SSBP2: variants seen among roughly 807,000 people sequenced by gnomAD.
The protein encoded by SSBP2 is single-stranded DNA-binding protein 2.
In SSBP2, 17 loss-of-function variants were observed where a neutral mutation model predicts 61.8. The observed-to-expected ratio is 0.28, with a 90% confidence interval of 0.19 to 0.41. The LOEUF (loss-of-function observed/expected upper bound fraction) is 0.41, where lower values mean the gene tolerates loss of function less well. Ranked by LOEUF, SSBP2 falls within the 10% of genes least tolerant of loss-of-function variation. SSBP2 has a pLI of 1.00. For missense variants in SSBP2, 310 were observed against 458.7 expected (o/e 0.68, Z 2.96); for synonymous variants, 139 against 141.3 (o/e 0.98, Z 0.12).
intron 4 of SSBP2, among the ~76,000 whole-genome samples, chr5:81,541,765 A>G (rs559189533): frequency 2.6e-5 from 4 of 152,336 alleles, no homozygotes; most frequent in Admixed American, 1.3e-4. Context: ...TATACAAAAA[A>G]TAACTCAAAA....
chr5:81,660,938 A>G (rs1035737538), intron 1 of SSBP2, among the ~76,000 whole-genome samples: 1 of 151,936 alleles, frequency 6.6e-6, no homozygotes, highest in South Asian at 2.1e-4. Context: ...GTTCTCAGTC[A>G]TAAGTGGGAG....
intron 10 of SSBP2, 62 bp from the exon 11 acceptor site, chr5:81,448,887 A>C (rs1763582253): frequency 8.0e-7 from 1 of 1,252,532 alleles, no homozygotes; most frequent in African/African-American, 1.5e-5. Context: ...ACTGACCTAA[A>C]ATGAATTTAT....
At chr5:81,608,998 TAGAA>T (rs912999371) in intron 4 of SSBP2, among the ~76,000 whole-genome samples, 14 of 152,126 alleles carry the variant, frequency 9.2e-5, no homozygotes, top group Admixed American at 4.6e-4. Flanking sequence ...TCAATTTAAT[TAGAA>T]AGAGAAAATA....
intron 10 of SSBP2, among the ~76,000 whole-genome samples, chr5:81,458,930 C>G (rs1450928230): frequency 1.3e-5 from 2 of 152,140 alleles, no homozygotes; most frequent in Admixed American, 6.5e-5. Context: ...CTTTCTCTCT[C>G]TAAAGAGAGA....
chr5:81,428,458 C>T, intron 16 of SSBP2, 127 bp downstream of exon 16: 1 of 626,056 alleles, frequency 1.6e-6, no homozygotes, highest in South Asian at 2.3e-5. Context: ...CTTAAAGTTT[C>T]TCTTATCTAA....
chr5:81,457,828 T>C (rs931544212), intron 10 of SSBP2, among the ~76,000 whole-genome samples: 20 of 151,952 alleles, frequency 1.3e-4, no homozygotes, highest in Admixed American at 6.6e-4. Flanking sequence ...ACCCGGCTAA[T>C]TTTTCGTATT....
intron 1 of SSBP2, among the ~76,000 whole-genome samples, chr5:81,651,612 A>G (rs1749736807): frequency 6.6e-6 from 1 of 152,162 alleles, no homozygotes; most frequent in South Asian, 2.1e-4. Context: ...CACTTCCTAC[A>G]TCAGTGCTTC....
At chr5:81,602,126 G>A (rs913449437) in intron 4 of SSBP2, among the ~76,000 whole-genome samples, 2 of 151,984 alleles carry the variant, frequency 1.3e-5, no homozygotes, top group Non-Finnish European at 2.9e-5. Flanking sequence ...CTCCATCTGA[G>A]TCATGCTTCC....
At chr5:81,742,674 G>A (rs1015998690) in intron 1 of SSBP2, among the ~76,000 whole-genome samples, 12 of 152,132 alleles carry the variant, frequency 7.9e-5, no homozygotes, top group South Asian at 6.2e-4. Flanking sequence ...TCAGGAGTTC[G>A]CGCCCAGCCT....
chr5:81,413,587 A>AT lies in SSBP2; in HGVS notation c.*6916dup, dbSNP rs1327687087. Reference sequence around the variant, plus strand: ...CGTTAATGGCTATCATAAGTATTCTATTTATAAAGACTTTACCATTTTTTA... The same window carrying AT: ...CGTTAATGGCTATCATAAGTATTCTATTTTATAAAGACTTTACCATTTTTTA... On this transcript the variant is annotated 3_prime_UTR_variant, in exon 17 of 17. Transcript: ENST00000320672. The AT allele has an allele frequency of 2.0e-5, 3 of 152,178 alleles. No individual in the cohort carries two copies. Among genetic ancestry groups the AT allele is most frequent in the Non-Finnish European group, 4.4e-5 (3 of 67,988 alleles). The allele number at this position is 152,178 out of a possible 1,614,324, so 9.4% of individuals were successfully genotyped here.
intron 13 of SSBP2, among the ~76,000 whole-genome samples, chr5:81,440,955 A>G (rs1762994131): frequency 6.6e-6 from 1 of 152,244 alleles, no homozygotes; most frequent in Non-Finnish European, 1.5e-5. Flanking sequence ...CCTCTATGAT[A>G]CTGACAAATT....
In SSBP2 at chr5:81,607,935, A is replaced by G. The variant is rs78788789; in HGVS notation, c.282+7538T>C. On this transcript the variant is annotated intron_variant, in intron 4 of 16. Transcript: ENST00000320672. The stretch of plus-strand genomic sequence containing the variant: ...AATGTACTGGGTTACAGAACATAAC[A>G]GTTATGCTATCCAAGTCAGTCTACC... Among the ~76,000 whole-genome samples, 171 of 152,300 alleles carry G rather than the reference A, an allele frequency of 1.1e-3. 5 individuals carry two copies. In the East Asian group the frequency reaches 0.03, roughly 26 times the overall value.
intron 4 of SSBP2, among the ~76,000 whole-genome samples, chr5:81,577,832 A>T (rs1183995969): frequency 6.6e-6 from 1 of 152,010 alleles, no homozygotes; most frequent in African/African-American, 2.4e-5. Flanking sequence ...ACAAGAACTT[A>T]TTGAAAATAG....
chr5:81,593,350 C>G (rs1287136442), intron 4 of SSBP2, among the ~76,000 whole-genome samples: 3 of 152,108 alleles, frequency 2.0e-5, no homozygotes, highest in Non-Finnish European at 2.9e-5. Flanking sequence ...GTGAAAAGAC[C>G]AAATCTACGT....
intron 6 of SSBP2, among the ~76,000 whole-genome samples, chr5:81,485,588 CTT>C (rs1193625810): frequency 1.3e-5 from 2 of 152,130 alleles, no homozygotes; most frequent in African/African-American, 4.8e-5. Context: ...GATACAAACT[CTT>C]AATAAAACAT....
intron 8 of SSBP2, among the ~76,000 whole-genome samples, chr5:81,471,825 G>GT (rs1175640422): frequency 3.5e-4 from 53 of 151,398 alleles, no homozygotes; most frequent in African/African-American, 1.2e-3. Flanking sequence ...TATTTATATG[G>GT]GTTTTTTTTT....
intron 1 of SSBP2, among the ~76,000 whole-genome samples, chr5:81,665,202 G>T (rs756993470): frequency 5.1e-4 from 78 of 152,296 alleles, no homozygotes; most frequent in Non-Finnish European, 9.0e-4. Flanking sequence ...AGCATAGATG[G>T]TTTTTCCACT....
chr5:81,448,299 A>G (rs1326351471), intron 11 of SSBP2, among the ~76,000 whole-genome samples: 1 of 152,212 alleles, frequency 6.6e-6, no homozygotes, highest in Non-Finnish European at 1.5e-5. Context: ...AAATAGTAAT[A>G]ATGATAAAAA....
chr5:81,427,364 T>C (rs1252414987), intron 16 of SSBP2, among the ~76,000 whole-genome samples: 1 of 152,140 alleles, frequency 6.6e-6, no homozygotes, highest in African/African-American at 2.4e-5. Flanking sequence ...AAATTATTTG[T>C]CCTCACTAAT....
Sources: gnomAD v4.1 joint callset for allele counts (sites outside exome capture counted in the v4.1 genomes callset) on GRCh38, gnomAD v4.1.1 for gene constraint, MANE v1.5 for transcripts, NCBI Gene and HGNC (gene_info 2026-07-23, HGNC 2026-07-21) for gene names.